Variants in ANO4 observed in about 807,000 individuals in gnomAD.
ANO4 encodes the protein anoctamin-4.
ANO4 carries 69 observed loss-of-function variants against 141.9 expected under a neutral mutation model. The ratio of observed to expected loss-of-function variants is 0.49; its 90% CI spans 0.40 to 0.59. The LOEUF is 0.59. ANO4 is among the 20% of genes least tolerant of loss of function. ANO4 has a pLI of 0.00. For synonymous variants in ANO4, 350 were observed against 394.3 expected (o/e 0.89, Z 1.33); for missense variants, 894 against 1,162.2 (o/e 0.77, Z 3.36).
intron 5 of ANO4, among the ~76,000 whole-genome samples, chr12:100,960,602 TA>T (rs113871862): frequency 0.051 from 6,887 of 135,988 alleles, 464 homozygotes; most frequent in African/African-American, 0.16. Context: ...TAAAGTAAAA[TA>T]AAAAAAAAAA....
chr12:100,791,220 A>G (rs1016867540), upstream of ANO4, among the ~76,000 whole-genome samples: 3 of 152,136 alleles, frequency 2.0e-5, no homozygotes, highest in Admixed American at 1.3e-4. Context: ...CTCTACTACA[A>G]TACAGAAAAT....
chr12:100,931,874 C>T (rs781197364), intron 3 of ANO4, among the ~76,000 whole-genome samples: 1 of 152,052 alleles, frequency 6.6e-6, no homozygotes, highest in African/African-American at 2.4e-5. Context: ...AGCTCTTCAC[C>T]TTAAAGGGAC....
At chr12:100,928,801 A>G (rs1357122395) in intron 3 of ANO4, among the ~76,000 whole-genome samples, 1 of 152,098 alleles carries the variant, frequency 6.6e-6, no homozygotes, top group Non-Finnish European at 1.5e-5. Context: ...TTTTTTTACA[A>G]TGAAGTAGTA....
chr12:100,860,174 T>C (rs545618252), intron 1 of ANO4, among the ~76,000 whole-genome samples: 3 of 152,306 alleles, frequency 2.0e-5, no homozygotes, highest in South Asian at 4.1e-4. Flanking sequence ...TACATTTGCA[T>C]GTAAACTGGT....
intron 6 of ANO4, among the ~76,000 whole-genome samples, chr12:100,973,987 C>T (rs186737628): frequency 1.7e-3 from 260 of 152,268 alleles, no homozygotes; most frequent in African/African-American, 6.1e-3. Flanking sequence ...TTACAGAAGT[C>T]AGAGAGTTCA....
At chr12:100,865,839 T>C (rs1377716933) in intron 1 of ANO4, among the ~76,000 whole-genome samples, 1 of 152,100 alleles carries the variant, frequency 6.6e-6, no homozygotes, top group African/African-American at 2.4e-5. Context: ...TAAATGAAGC[T>C]CTGTTTATCT....
At chr12:100,920,148 T>C (rs954859624) in intron 2 of ANO4, among the ~76,000 whole-genome samples, 1 of 152,066 alleles carries the variant, frequency 6.6e-6, no homozygotes, top group Non-Finnish European at 1.5e-5. Context: ...ATCTGAAGTA[T>C]TAGAACACAG....
At chr12:100,783,750 G>A (rs991160708) in intron 3 of ANO4, among the ~76,000 whole-genome samples, 1 of 152,278 alleles carries the variant, frequency 6.6e-6, no homozygotes, top group East Asian at 1.9e-4. Flanking sequence ...GGATCGGGAA[G>A]GCAATGATAT....
intron 1 of ANO4, among the ~76,000 whole-genome samples, chr12:100,818,996 G>T (rs1372629055): frequency 6.7e-6 from 1 of 149,824 alleles, no homozygotes; most frequent in Non-Finnish European, 1.5e-5. Flanking sequence ...TCAAACTTAG[G>T]CTGATCATAT....
intron 7 of ANO4, among the ~76,000 whole-genome samples, chr12:100,982,019 C>T (rs1014529588): frequency 1.3e-5 from 2 of 152,170 alleles, no homozygotes; most frequent in African/African-American, 4.8e-5. Flanking sequence ...ATTGTCAGCT[C>T]TTCCCAGGTA....
At chr12:101,095,242 T>C (rs2049934213) in intron 18 of ANO4, among the ~76,000 whole-genome samples, 1 of 152,122 alleles carries the variant, frequency 6.6e-6, no homozygotes, top group African/African-American at 2.4e-5. Context: ...ACCTTATCTC[T>C]TTTAATGTCA....
intron 1 of ANO4, among the ~76,000 whole-genome samples, chr12:100,824,991 A>G (rs2036254232): frequency 6.6e-6 from 1 of 152,054 alleles, no homozygotes; most frequent in African/African-American, 2.4e-5. Flanking sequence ...ATTTCTGTTG[A>G]AAAACAATAT....
intron 9 of ANO4, among the ~76,000 whole-genome samples, chr12:101,032,856 T>A (rs1329431720): frequency 6.6e-6 from 1 of 151,446 alleles, no homozygotes; most frequent in Non-Finnish European, 1.5e-5. Flanking sequence ...AGGAACACTT[T>A]TACACTGTTG....
intron 8 of ANO4, among the ~76,000 whole-genome samples, chr12:101,007,328 G>A (rs1445928081): frequency 6.6e-6 from 1 of 152,092 alleles, no homozygotes; most frequent in Non-Finnish European, 1.5e-5. Context: ...CCAGCCTGGG[G>A]GAGAGAGTAA....
chr12:100,744,787 G>A (rs184533082), intron 3 of ANO4, among the ~76,000 whole-genome samples: 58 of 152,142 alleles, frequency 3.8e-4, no homozygotes, highest in African/African-American at 1.4e-3. Context: ...CATTATTTCT[G>A]CTCAAGCTCT....
chr12:100,896,499 C>G (rs2040362433), intron 1 of ANO4, among the ~76,000 whole-genome samples: 1 of 152,228 alleles, frequency 6.6e-6, no homozygotes. Context: ...TCAGTTTGCA[C>G]TTCTGTGGAA....
At chr12:100,818,968 C>T (rs2035878512) in intron 1 of ANO4, among the ~76,000 whole-genome samples, 1 of 151,260 alleles carries the variant, frequency 6.6e-6, no homozygotes, top group Non-Finnish European at 1.5e-5. Context: ...CTTCCTCTTC[C>T]CTATGTATCT....
chr12:101,077,249 A>G (rs2049057570), intron 14 of ANO4, among the ~76,000 whole-genome samples: 1 of 152,190 alleles, frequency 6.6e-6, no homozygotes, highest in Admixed American at 6.5e-5. Flanking sequence ...AATTAAGTAC[A>G]TCCTGTGTGA....
At chr12:100,941,292 C>T (rs1194523722) in intron 4 of ANO4, among the ~76,000 whole-genome samples, 2 of 151,734 alleles carry the variant, frequency 1.3e-5, no homozygotes, top group Non-Finnish European at 2.9e-5. Context: ...TACCTCTACC[C>T]TACCAGAGGT....
Sources: gnomAD v4.1 joint callset for allele counts (sites outside exome capture counted in the v4.1 genomes callset) on GRCh38, gnomAD v4.1.1 for gene constraint, MANE v1.5 for transcripts, NCBI Gene and HGNC (gene_info 2026-07-23, HGNC 2026-07-21) for gene names.